ITM2B: variants seen among roughly 807,000 people sequenced by gnomAD.
ITM2B encodes ABri/ADan amyloid peptide.
ITM2B carries 11 observed loss-of-function variants against 27.8 expected under a neutral mutation model. The observed-to-expected ratio is 0.40, with a 90% CI of 0.25 to 0.66. The LOEUF (loss-of-function observed/expected upper bound fraction) is 0.66. Among genes scored for constraint, ITM2B ranks in the 30% least tolerant of loss-of-function variants. ITM2B has a pLI of 0.43. For synonymous variants in ITM2B, 114 were observed against 114.3 expected (o/e 1.00, Z 0.02); for missense variants, 296 against 328.9 (o/e 0.90, Z 0.77).
At chr13:48,234,301 G>T (rs1215881205) in intron 1 of ITM2B, among the ~76,000 whole-genome samples, 2 of 152,054 alleles carry the variant, frequency 1.3e-5, no homozygotes, top group Non-Finnish European at 2.9e-5. Context: ...GGCTGTTACT[G>T]TGTTGACTTT....
At chr13:48,235,849 G>A (rs1337758071) in intron 1 of ITM2B, among the ~76,000 whole-genome samples, 4 of 152,118 alleles carry the variant, frequency 2.6e-5, no homozygotes, top group Non-Finnish European at 4.4e-5. Context: ...ACAATATCCC[G>A]CAGACCATTG....
chr13:48,235,548 G>A (rs556515527), intron 1 of ITM2B, among the ~76,000 whole-genome samples: 1 of 152,320 alleles, frequency 6.6e-6, no homozygotes, highest in South Asian at 2.1e-4. Context: ...CTTATAATCA[G>A]TCAGTCGCTT....
In ITM2B at chr13:48,261,145, A is replaced by G. The variant is rs1566164812; in HGVS notation, c.722A>G (p.Gln241Arg). 1 of 1,611,566 alleles carries G rather than the reference A, an allele frequency of 6.2e-7. No individual in the cohort carries two copies. Among genetic ancestry groups the G allele is most frequent in the Non-Finnish European group, 8.5e-7 (1 of 1,178,290 alleles). The part of the protein sequence containing the change: ...LQRRETIKGI[Q>R]KREASNCFAI... ...TTTTTTCCCTCTCCAACAGGTATTC[A>G]GAAACGTGAAGCCAGCAATTGTTTC... Residue 241 changes from glutamine to arginine, a missense_variant, in exon 6 of 6, where the codon CAG becomes CGG. Coordinates refer to ENST00000647800, the MANE Select transcript of ITM2B (RefSeq NM_021999.5).
chr13:48,245,940 G>A (rs1268023861), intron 1 of ITM2B, among the ~76,000 whole-genome samples: 1 of 151,492 alleles, frequency 6.6e-6, no homozygotes, highest in Non-Finnish European at 1.5e-5. Flanking sequence ...CACCACCCCT[G>A]GCTAATTTTT....
chr13:48,269,160 A>G lies in ITM2B; in HGVS notation c.*7936A>G, dbSNP rs1008049954. On this transcript the variant is annotated 3_prime_UTR_variant, in exon 6 of 6. Coordinates refer to ENST00000647800, the MANE Select transcript of ITM2B (RefSeq NM_021999.5). ...TTTTTTCCAGTTGCACAGGCTAAAAATAGGAAGTCATTCTAGATTCCTCTC... is the reference window on the plus strand; with the variant it reads ...TTTTTTCCAGTTGCACAGGCTAAAAGTAGGAAGTCATTCTAGATTCCTCTC... 1.3e-5 allele frequency: 2 copies of G among 152,180 alleles called. No homozygotes were observed. Among genetic ancestry groups the G allele is most frequent in the African/African-American group, 2.4e-5 (1 of 41,444 alleles). The allele number at this position is 152,180 out of a possible 1,614,324, so 9.4% of individuals were successfully genotyped here.
intron 1 of ITM2B, among the ~76,000 whole-genome samples, chr13:48,240,146 C>T (rs1951691355): frequency 6.6e-6 from 1 of 152,190 alleles, no homozygotes; most frequent in South Asian, 2.1e-4. Context: ...TAATCTGTAA[C>T]AATAATAGCA....
rs939360250 is a variant in ITM2B at position 48,262,687 on chromosome 13, G to C, written c.*1463G>C. 3 of 151,906 alleles carry C rather than the reference G, an allele frequency of 2.0e-5. No homozygotes were observed. Among genetic ancestry groups the C allele is most frequent in the East Asian group, 3.9e-4 (2 of 5,132 alleles). 9.4% of individuals were successfully genotyped at this position (151,906 alleles called of 1,614,324 possible). A position where few individuals can be genotyped will look rare whatever the true frequency, so the allele number is the denominator to read the frequency against. On this transcript the variant is annotated 3_prime_UTR_variant, in exon 6 of 6. Coordinates refer to ENST00000647800, the MANE Select transcript of ITM2B (RefSeq NM_021999.5). ...GTGTTGAAGATATATCTGCAAAGAAGAAAAAAAGCCACTGCCGTCGTGGAG... is the reference window on the plus strand; with the variant it reads ...GTGTTGAAGATATATCTGCAAAGAACAAAAAAAGCCACTGCCGTCGTGGAG...
At chr13:48,253,760 T>TTATTA in intron 1 of ITM2B, 48 bp from the exon 2 acceptor site, 2 of 1,583,760 alleles carry the variant, frequency 1.3e-6, no homozygotes, top group Middle Eastern at 1.7e-4. Context: ...GAGCCTTCTG[T>TTATTA]TATTCTGTCT....
At chr13:48,237,944 A>G (rs1396724080) in intron 1 of ITM2B, among the ~76,000 whole-genome samples, 1 of 152,186 alleles carries the variant, frequency 6.6e-6, no homozygotes, top group Non-Finnish European at 1.5e-5. Context: ...ATCCTCTTAA[A>G]TTTTTTGGCA....
At chr13:48,252,594 A>T (rs1339224647) in intron 1 of ITM2B, among the ~76,000 whole-genome samples, 1 of 152,222 alleles carries the variant, frequency 6.6e-6, no homozygotes, top group Non-Finnish European at 1.5e-5. Flanking sequence ...ATTGTCTTCC[A>T]CAAAACTGGT....
intron 1 of ITM2B, among the ~76,000 whole-genome samples, chr13:48,250,434 C>T (rs1378107972): frequency 3.9e-5 from 6 of 151,904 alleles, no homozygotes; most frequent in Non-Finnish European, 5.9e-5. Context: ...CCTGGCTACA[C>T]GGTGAAACCC....
intron 1 of ITM2B, among the ~76,000 whole-genome samples, chr13:48,238,408 G>A (rs1487824518): frequency 6.6e-6 from 1 of 152,080 alleles, no homozygotes; most frequent in Non-Finnish European, 1.5e-5. Flanking sequence ...GGAAAAATCA[G>A]GTAAGAATGA....
In ITM2B at chr13:48,258,933, G is replaced by T. The variant is rs1951806201; in HGVS notation, c.701G>T (p.Arg234Ile). ...AAGGAAACTTACAAACTGCAACGCAGAGAAACTATTAAAGGTAATACTTTT... is the reference window on the plus strand; with the variant it reads ...AAGGAAACTTACAAACTGCAACGCATAGAAACTATTAAAGGTAATACTTTT... ...HDKETYKLQR[R>I]ETIKGIQKRE... Residue 234 changes from arginine (R) to isoleucine (I), a missense_variant, in exon 5 of 6, where the codon AGA becomes ATA. By Grantham distance (97) the Arg-to-Ile change is moderately conservative. Coordinates refer to ENST00000647800, the MANE Select transcript of ITM2B (RefSeq NM_021999.5). The T allele has an allele frequency of 1.2e-6, 2 of 1,612,764 alleles. No homozygotes were observed. Among genetic ancestry groups the T allele is most frequent in the Non-Finnish European group, 8.5e-7 (1 of 1,179,110 alleles).
chr13:48,242,229 G>T (rs1174267821), intron 1 of ITM2B, among the ~76,000 whole-genome samples: 1 of 151,888 alleles, frequency 6.6e-6, no homozygotes, highest in Non-Finnish European at 1.5e-5. Flanking sequence ...TTCCATTCTT[G>T]TATAACAACT....
chr13:48,248,568 A>T (rs9591151), intron 1 of ITM2B, among the ~76,000 whole-genome samples: 2 of 152,118 alleles, frequency 1.3e-5, no homozygotes, highest in Non-Finnish European at 1.5e-5. Flanking sequence ...TCCAGGATTT[A>T]TACCTAGGAA....
chr13:48,244,291 A>G (rs999579896), intron 1 of ITM2B, among the ~76,000 whole-genome samples: 3 of 152,224 alleles, frequency 2.0e-5, no homozygotes, highest in African/African-American at 7.2e-5. Flanking sequence ...TTAAATGCCT[A>G]TATTTATTCT....
chr13:48,233,585 G>T lies in ITM2B; in HGVS notation c.117+108G>T, dbSNP rs569224226. 182 of 604,814 alleles carry T rather than the reference G, an allele frequency of 3.0e-4. 3 individuals are homozygous for T. In the South Asian group the frequency reaches 4.4e-3, roughly 15 times the overall value. 37.5% of individuals were successfully genotyped at this position (604,814 alleles called of 1,614,324 possible). On this transcript the variant is annotated intron_variant, in intron 1 of 5. Transcript: ENST00000647800. ...AGGTGGCGGGCGCGGGGCTCGCGCCGCGGGGACAAGTCCCCGAGAGAGCCC... is the reference window on the plus strand; with the variant it reads ...AGGTGGCGGGCGCGGGGCTCGCGCCTCGGGGACAAGTCCCCGAGAGAGCCC...
rs1488661340 is a variant in ITM2B at position 48,233,295 on chromosome 13, A to G, written c.-66A>G. On this transcript the variant is annotated 5_prime_UTR_variant, in exon 1 of 6. Transcript: ENST00000647800. ...GCCCGGCCGTAGAGGCTGCAATCGC[A>G]GCCGGGAGCCCGCAGCCCGCGCCCC... The G allele has an allele frequency of 2.0e-5, 21 of 1,051,446 alleles. No individual in the cohort carries two copies. The highest frequency in any genetic ancestry group is 5.5e-6 in the Non-Finnish European group (4 of 721,826). The allele number at this position is 1,051,446 out of a possible 1,614,324, so 65.1% of individuals were successfully genotyped here. A position where few individuals can be genotyped will look rare whatever the true frequency, so the allele number is the denominator to read the frequency against.
chr13:48,242,389 GTTTCTTTCTTTC>G (rs534078797), intron 1 of ITM2B, among the ~76,000 whole-genome samples: 389 of 151,358 alleles, frequency 2.6e-3, no homozygotes, highest in Middle Eastern at 0.01. Flanking sequence ...AACTTACCAA[GTTTCTTTCTTTC>G]TTTCTTTCTT....
Sources: allele counts gnomAD v4.1 joint callset (sites outside exome capture counted in the v4.1 genomes callset), GRCh38; gene constraint gnomAD v4.1.1; transcripts MANE v1.5; gene names NCBI Gene and HGNC (gene_info 2026-07-23, HGNC 2026-07-21).